The following MIS18A variants were observed in gnomAD, a reference collection of about 807,000 sequenced individuals.
The protein encoded by MIS18A is protein Mis18-alpha.
A neutral mutation model predicts 25.0 loss-of-function variants in MIS18A; 14 were observed. That is an observed-to-expected ratio of 0.56 (90% CI 0.37 to 0.88). The LOEUF (loss-of-function observed/expected upper bound fraction) is 0.88, where lower values mean the gene tolerates loss of function less well. MIS18A is among the 40% of genes least tolerant of loss of function. The probability of loss-of-function intolerance (pLI) is 0.00; values close to 1 mark genes in which losing one functional copy is unlikely to be tolerated. For missense variants in MIS18A, 292 were observed against 290.8 expected (o/e 1.00, Z -0.03); for synonymous variants, 134 against 118.6 (o/e 1.13, Z -0.84).
At chr21:32,263,266 C>A (rs149140153), downstream of MIS18A, among the ~76,000 whole-genome samples, 10 of 152,184 alleles carry the variant, frequency 6.6e-5, no homozygotes, top group East Asian at 1.9e-3. Flanking sequence ...TGGGTTTTCT[C>A]CAGGAGAGGT....
At chr21:32,187,161 C>T in the MIS18A span, among the ~76,000 whole-genome samples, 1 of 152,166 alleles carries the variant, frequency 6.6e-6, no homozygotes, top group Non-Finnish European at 1.5e-5. Context: ...AAATAACCCG[C>T]CAACGATGAC....
chr21:32,163,706 A>C, the MIS18A span, among the ~76,000 whole-genome samples: 2 of 152,156 alleles, frequency 1.3e-5, no homozygotes, highest in Admixed American at 1.3e-4. Flanking sequence ...TTGCTTCCCA[A>C]AGGCTCTTTT....
chr21:32,253,105 G>A, the MIS18A span, among the ~76,000 whole-genome samples: 1,039 of 152,318 alleles, frequency 6.8e-3, 3 homozygotes, highest in Non-Finnish European at 0.01. Context: ...AGGACGGAAG[G>A]GTGGGATGCG....
At chr21:32,226,286 A>AG in the MIS18A span, among the ~76,000 whole-genome samples, 1 of 151,776 alleles carries the variant, frequency 6.6e-6, no homozygotes, top group East Asian at 1.9e-4. Flanking sequence ...ATAATAAAAA[A>AG]AAAAGAAAAA....
chr21:32,201,212 G>A, the MIS18A span, among the ~76,000 whole-genome samples: 1 of 151,734 alleles, frequency 6.6e-6, no homozygotes, highest in Non-Finnish European at 1.5e-5. Context: ...TGCTGGGAGG[G>A]CACTAGCCAC....
chr21:32,199,139 C>T, the MIS18A span, among the ~76,000 whole-genome samples: 3 of 152,192 alleles, frequency 2.0e-5, no homozygotes, highest in Admixed American at 6.5e-5. Context: ...AAATTCCCAA[C>T]GGGAACATAT....
At chr21:32,213,029 C>T in the MIS18A span, among the ~76,000 whole-genome samples, 1 of 152,158 alleles carries the variant, frequency 6.6e-6, no homozygotes, top group Non-Finnish European at 1.5e-5. Context: ...GATCAGATAA[C>T]TGGGGCTGGG....
At chr21:32,205,097 C>CT in the MIS18A span, among the ~76,000 whole-genome samples, 29,157 of 66,450 alleles carry the variant, frequency 0.44, 8,924 homozygotes, top group Non-Finnish European at 0.52. Context: ...AGAACTTGTC[C>CT]TTTTTTTTTT....
At chr21:32,257,842 G>A in the MIS18A span, among the ~76,000 whole-genome samples, 31 of 152,266 alleles carry the variant, frequency 2.0e-4, no homozygotes, top group African/African-American at 6.3e-4. Flanking sequence ...CTTAATGCAC[G>A]AGTATTTTTT....
At chr21:32,258,878 AC>A in the MIS18A span, among the ~76,000 whole-genome samples, 389 of 82,682 alleles carry the variant, frequency 4.7e-3, no homozygotes, top group African/African-American at 0.02. Flanking sequence ...TTATTTATTT[AC>A]TTACTTACTT....
chr21:32,161,062 C>T, the MIS18A span, among the ~76,000 whole-genome samples: 1 of 152,210 alleles, frequency 6.6e-6, no homozygotes, highest in South Asian at 2.1e-4. Flanking sequence ...CCCTGCATGA[C>T]TTTTCCCTTT....
the MIS18A span, among the ~76,000 whole-genome samples, chr21:32,255,974 TA>T: frequency 6.6e-6 from 1 of 152,210 alleles, no homozygotes; most frequent in East Asian, 1.9e-4. Flanking sequence ...CCATCTATTT[TA>T]TCTCATCCCT....
the MIS18A span, among the ~76,000 whole-genome samples, chr21:32,194,505 C>T: frequency 2.0e-5 from 3 of 151,890 alleles, no homozygotes; most frequent in East Asian, 1.9e-4. Flanking sequence ...ACTAAAAATA[C>T]GAAATTAGCC....
At chr21:32,242,024 G>A in the MIS18A span, among the ~76,000 whole-genome samples, 1 of 152,176 alleles carries the variant, frequency 6.6e-6, no homozygotes, top group Non-Finnish European at 1.5e-5. Flanking sequence ...GACTACAGGC[G>A]CCCGCCACCA....
At chr21:32,160,757 G>A in the MIS18A span, among the ~76,000 whole-genome samples, 4 of 151,630 alleles carry the variant, frequency 2.6e-5, no homozygotes, top group Admixed American at 6.6e-5. Context: ...TCAGCCTCCC[G>A]AGTAGCTGGG....
chr21:32,226,622 T>C, the MIS18A span, among the ~76,000 whole-genome samples: 2 of 152,122 alleles, frequency 1.3e-5, no homozygotes, highest in Admixed American at 6.6e-5. Context: ...TGGGCAGATA[T>C]GAAAGAATAA....
At chr21:32,277,668 G>A (rs989693523) in intron 1 of MIS18A, among the ~76,000 whole-genome samples, 10 of 152,136 alleles carry the variant, frequency 6.6e-5, no homozygotes, top group African/African-American at 2.4e-4. Flanking sequence ...TTTTAGTAGA[G>A]ATGGGGTTTC....
At chr21:32,236,542 A>G in the MIS18A span, among the ~76,000 whole-genome samples, 1 of 152,178 alleles carries the variant, frequency 6.6e-6, no homozygotes, top group African/African-American at 2.4e-5. Context: ...GCTCAATGGC[A>G]TAGCTCTTGA....
the MIS18A span, among the ~76,000 whole-genome samples, chr21:32,230,655 A>G: frequency 1.3e-5 from 2 of 152,350 alleles, no homozygotes; most frequent in Admixed American, 1.3e-4. Context: ...ATTATTTTCA[A>G]CAAATTATGC....
Sources: allele counts gnomAD v4.1 joint callset (sites outside exome capture counted in the v4.1 genomes callset), GRCh38; gene constraint gnomAD v4.1.1; transcripts MANE v1.5; gene names NCBI Gene and HGNC (gene_info 2026-07-23, HGNC 2026-07-21).